The following ESPL1 variants were observed in gnomAD, a reference collection of about 807,000 sequenced individuals.
ESPL1 encodes the protein extra spindle pole bodies like 1, separase.
A neutral mutation model predicts 217.2 loss-of-function variants in ESPL1; 50 were observed. That is an observed-to-expected ratio of 0.23 (90% CI 0.18 to 0.29). The LOEUF (loss-of-function observed/expected upper bound fraction) is 0.29. ESPL1 is among the 10% of genes least tolerant of loss of function. ESPL1 has a pLI of 1.00. For missense variants in ESPL1, 1,834 were observed against 2,603.0 expected, an observed-to-expected ratio of 0.70 and a Z score of 6.43; for synonymous variants, 994 against 1,081.3, an observed-to-expected ratio of 0.92 and a Z score of 1.58.
rs760949893 is a variant in ESPL1 at position 53,292,323 on chromosome 12, A to C, written c.5842A>C (p.Thr1948Pro). The C allele has an allele frequency of 6.2e-7, 1 of 1,613,946 alleles. No individual in the cohort carries two copies. Among genetic ancestry groups the C allele is most frequent in the African/African-American group, 1.3e-5 (1 of 74,872 alleles). Residue 1948 changes from threonine (T) to proline (P), a missense_variant, in exon 28 of 31, where the codon ACC becomes CCC. Thr to Pro is a conservative substitution (Grantham distance 38). This residue lies in a region of ESPL1 where 295 missense variants were observed against 519.8 expected (regional missense o/e 0.57). Coordinates refer to ENST00000257934, the MANE Select transcript of ESPL1 (RefSeq NM_012291.5). The surrounding 1 kb of genome is among the most constrained non-coding windows in gnomAD (Gnocchi z 4.5). ...VLSQGVDPRSTFYVLNPHNNL... is the reference protein window; with the variant it reads ...VLSQGVDPRSPFYVLNPHNNL... ...GAGTCAAGGGGTGGATCCACGAAGT[A>C]CCTTCTATGTCCTGAACCCTCACAA... is the stretch of plus-strand genomic sequence containing the variant.
chr12:53,276,385 C>T (rs556982910), intron 7 of ESPL1, among the ~76,000 whole-genome samples: 7 of 152,256 alleles, frequency 4.6e-5, no homozygotes, highest in East Asian at 1.9e-4. Flanking sequence ...AAGTGGGAAG[C>T]GGCCAGATCA....
rs546107819 is a variant in ESPL1, at chr12:53,274,986, C to T, written c.1676C>T (p.Ala559Val). 5 of 1,554,310 alleles carry T rather than the reference C, an allele frequency of 3.2e-6. No homozygotes were observed. The Admixed American group carries it at 9.7e-5, about 30-fold the overall frequency. Reference sequence around the variant, plus strand: ...CGGGTCAAGATGGATGCGGCCAGGGCTGGAGACAAGGAGCTACAGCTAAAG... The same window carrying T: ...CGGGTCAAGATGGATGCGGCCAGGGTTGGAGACAAGGAGCTACAGCTAAAG... ...WVRVKMDAAR[A>V]GDKELQLKTL... The change falls in exon 7 of 31, where the codon GCT (alanine) becomes GTT (valine). Residue 559 changes from alanine (A) to valine (V), a missense_variant. Around this residue, in one of 5 missense-constraint regions of ESPL1, gnomAD observed 746 missense variants for 1,077.0 expected, o/e 0.69. Coordinates refer to ENST00000257934, the MANE Select transcript of ESPL1 (RefSeq NM_012291.5).
In ESPL1 at chr12:53,288,643, A is replaced by G. The variant is rs536941088; in HGVS notation, c.4652A>G (p.Glu1551Gly). The change falls in exon 20 of 31, where the codon GAG becomes GGG. Residue 1551 changes from glutamate to glycine, a missense_variant. Around this residue, in one of 5 missense-constraint regions of ESPL1, gnomAD observed 681 missense variants for 808.0 expected, o/e 0.84. Coordinates refer to ENST00000257934, the MANE Select transcript of ESPL1 (RefSeq NM_012291.5). ...CTGCCCAGCCCATGCCCAGACAAGG[A>G]GAGTGACAAGGACCTTGGTCCTCGG... is the stretch of plus-strand genomic sequence containing the variant. ...KKLPSPCPDK[E>G]SDKDLGPRLR... 4.5e-5 allele frequency: 73 copies of G among 1,613,972 alleles called. No individual in the cohort carries two copies. In the South Asian group the frequency reaches 7.6e-4, roughly 17 times the overall value.
intron 5 of ESPL1, among the ~76,000 whole-genome samples, chr12:53,271,151 G>T: frequency 1.4e-5 from 2 of 141,144 alleles, no homozygotes. Context: ...CATTACAAAT[G>T]ACCTTTCTGT....
chr12:53,285,756 C>G (rs932562496), intron 17 of ESPL1, among the ~76,000 whole-genome samples, 168 bp from the exon 18 acceptor site: 3 of 151,724 alleles, frequency 2.0e-5, no homozygotes, highest in Non-Finnish European at 2.9e-5. Flanking sequence ...AAATAATAAG[C>G]CATACTAATA....
chr12:53,277,280 C>T (rs1445692607), intron 9 of ESPL1, 53 bp downstream of exon 9: 3 of 1,565,726 alleles, frequency 1.9e-6, no homozygotes, highest in African/African-American at 1.4e-5. Flanking sequence ...AATTACTGTC[C>T]CTGGGCCCCC....
rs762631048 is a variant in ESPL1 at position 53,276,918 on chromosome 12, C to G, written c.1940+59C>G. On this transcript the variant is annotated intron_variant, in intron 8 of 30. Coordinates refer to ENST00000257934, the MANE Select transcript of ESPL1 (RefSeq NM_012291.5). ...TCCTTGCCCTAGGTCCTCTCACCCT[C>G]TTGAGAACCAGTTTCCCTCTCCACA... 2.5e-4 allele frequency: 390 copies of G among 1,585,774 alleles called. 1 individual carries two copies. Among genetic ancestry groups the G allele is most frequent in the Non-Finnish European group, 3.1e-4 (364 of 1,163,964 alleles).
Position 53,284,187 on chromosome 12 carries a change from T to C in ESPL1, c.3187+20T>C. On this transcript the variant is annotated intron_variant, in intron 17 of 30. Coordinates refer to ENST00000257934, the MANE Select transcript of ESPL1 (RefSeq NM_012291.5). ...GCACAGGTGAGCAGCCATGTCCCCA[T>C]GACCATAGGCGGTGCTGAAATGACA... 6.9e-7 allele frequency: 1 copy of C among 1,451,800 alleles called. No homozygotes were observed. Among genetic ancestry groups the C allele is most frequent in the Non-Finnish European group, 9.7e-7 (1 of 1,031,738 alleles). 89.9% of individuals were successfully genotyped at this position (1,451,800 alleles called of 1,614,324 possible). A position where few individuals can be genotyped will look rare whatever the true frequency, so the allele number is the denominator to read the frequency against.
Position 53,292,920 on chromosome 12 carries a change from T to C in ESPL1, c.6111T>C (p.Arg2037=), listed in dbSNP as rs746085022. The C allele has an allele frequency of 1.2e-5, 20 of 1,613,816 alleles. No homozygotes were observed. Among genetic ancestry groups the C allele is most frequent in the South Asian group, 2.2e-5 (2 of 91,088 alleles). The change falls in exon 30 of 31, where the codon CGT becomes CGC. Residue 2037 remains arginine, a synonymous_variant. Transcript: ENST00000257934. This position sits in a 1 kb window ranked among gnomAD's most constrained non-coding sequence, Gnocchi z 4.5. ...FGCSSAALAV[R]GNLEGAGIVL... ...GTAGCAGTGCGGCCCTGGCTGTGCG[T>C]GGAAACCTGGAGGGGGCTGGCATCG...
intron 6 of ESPL1, chr12:53,274,523 T>G: frequency 3.6e-6 from 1 of 274,482 alleles, no homozygotes; most frequent in Non-Finnish European, 7.0e-6. Flanking sequence ...TGGCCCCACA[T>G]TTCTTACTCA....
chr12:53,283,175 C>T lies in ESPL1; in HGVS notation c.2838C>T (p.Leu946=). 5.0e-6 allele frequency: 8 copies of T among 1,614,242 alleles called. No individual in the cohort carries two copies. The highest frequency in any genetic ancestry group is 6.8e-6 in the Non-Finnish European group (8 of 1,180,040). Residue 946 remains leucine, a synonymous_variant, in exon 15 of 31, where the codon CTC becomes CTT. Coordinates refer to ENST00000257934, the MANE Select transcript of ESPL1 (RefSeq NM_012291.5). ...CTCTCATAGACTCCCATAAGCTCCT[C>T]CGAAGCATCATCCTCCTGCTGATGG... ...EIALIDSHKL[L]RSIILLLMGS...
In ESPL1 at chr12:53,282,288, C is replaced by T; in HGVS notation, c.2644C>T (p.Leu882=). 1.2e-6 allele frequency: 2 copies of T among 1,614,096 alleles called. No homozygotes were observed. The highest frequency in any genetic ancestry group is 2.2e-5 in the South Asian group (2 of 91,084). ...QKVTKGVSLL[L]SVLRDPALQK... ...GGTGACCAAGGGTGTCTCTCTGCTG[C>T]TGTCTGTGCTTCGGGATCCTGCCCT... The change falls in exon 14 of 31, where the codon CTG becomes TTG. Residue 882 remains leucine (L), a synonymous_variant. Coordinates refer to ENST00000257934, the MANE Select transcript of ESPL1 (RefSeq NM_012291.5). This position sits in a 1 kb window ranked among gnomAD's most constrained non-coding sequence, Gnocchi z 4.0.
chr12:53,293,314 A>T lies in ESPL1; in HGVS notation c.6203A>T (p.Asp2068Val). 6.2e-7 allele frequency: 1 copy of T among 1,614,076 alleles called. No homozygotes were observed. The highest frequency in any genetic ancestry group is 8.5e-7 in the Non-Finnish European group (1 of 1,180,022). The change falls in exon 31 of 31, where the codon GAC (aspartate) becomes GTC (valine). Residue 2068 changes from aspartate to valine, a missense_variant. Physicochemically the swap from Asp to Val is radical, Grantham distance 152 (BLOSUM62 -3). Around this residue, in one of 5 missense-constraint regions of ESPL1, gnomAD observed 295 missense variants for 519.8 expected, o/e 0.57. Transcript: ENST00000257934. This position sits in a 1 kb window ranked among gnomAD's most constrained non-coding sequence, Gnocchi z 4.2. ...LGNLWDVTDR[D>V]IDRYTEALLQ... ...AATCTCTGGGATGTGACTGACCGCG[A>T]CATTGACCGCTACACGGAAGCTCTG... is the stretch of plus-strand genomic sequence containing the variant.
intron 6 of ESPL1, among the ~76,000 whole-genome samples, chr12:53,273,797 T>TGAGCAA (rs1382744906): frequency 6.6e-6 from 1 of 151,084 alleles, no homozygotes; most frequent in Non-Finnish European, 1.5e-5. Context: ...GGTGGTCCTT[T>TGAGCAA]GAGCAAGGAG....
At position 53,288,830 on chromosome 12, in the gene ESPL1, ACT is replaced by A. The variant is rs1491444138; in HGVS notation, c.4708+134_4708+135del. ...TCTGAACCTGTGTTTGAACCCCAGCACTCTGTCTATGAGCTGTGTGCAGGTCA... is the reference window on the plus strand; with the variant it reads ...TCTGAACCTGTGTTTGAACCCCAGCACTGTCTATGAGCTGTGTGCAGGTCA... On this transcript the variant is annotated intron_variant, in intron 20 of 30. Coordinates refer to ENST00000257934, the MANE Select transcript of ESPL1 (RefSeq NM_012291.5). The A allele has an allele frequency of 1.9e-5, 13 of 696,856 alleles. No homozygotes were observed. In the African/African-American group the frequency reaches 2.6e-4, roughly 14 times the overall value. 43.2% of individuals were successfully genotyped at this position (696,856 alleles called of 1,614,324 possible).
In ESPL1 at chr12:53,269,571, A is replaced by G. The variant is rs763552447; in HGVS notation, c.629A>G (p.His210Arg). 3 of 1,614,214 alleles carry G rather than the reference A, an allele frequency of 1.9e-6. No homozygotes were observed. Among genetic ancestry groups the G allele is most frequent in the Admixed American group, 1.7e-5 (1 of 60,024 alleles). Residue 210 changes from histidine to arginine, a missense_variant, in exon 3 of 31, where the codon CAT becomes CGT. This residue lies in a region of ESPL1 where 746 missense variants were observed against 1,077.0 expected (regional missense o/e 0.69). Transcript: ENST00000257934. This position sits in a 1 kb window ranked among gnomAD's most constrained non-coding sequence, Gnocchi z 6.7. ...AAHQLFDASGHGLNEADADFL... is the reference protein window; with the variant it reads ...AAHQLFDASGRGLNEADADFL... ...CATCAGCTATTTGATGCCAGTGGCCATGGTCTAAATGAAGCAGATGCTGAT... is the reference window on the plus strand; with the variant it reads ...CATCAGCTATTTGATGCCAGTGGCCGTGGTCTAAATGAAGCAGATGCTGAT...
Position 53,290,902 on chromosome 12 carries a change from C to G in ESPL1, c.5426C>G (p.Ser1809Cys). The G allele has an allele frequency of 6.2e-7, 1 of 1,608,002 alleles. No individual in the cohort carries two copies. Among genetic ancestry groups the G allele is most frequent in the East Asian group, 2.2e-5 (1 of 44,752 alleles). The change falls in exon 25 of 31, where the codon TCC (serine) becomes TGC (cysteine). Residue 1809 changes from serine (S) to cysteine (C), a missense_variant. Ser to Cys is a moderately radical substitution (Grantham distance 112). Transcript: ENST00000257934. The part of the protein sequence containing the change: ...LGCWKGLLLP[S>C]SEEPGPAQEA... ...TGCTGGAAGGGGCTGCTGCTGCCGT[C>G]CAGTGAGGAGCCCGGCCCTGCCCAG...
In ESPL1 at chr12:53,286,787, G is replaced by T; in HGVS notation, c.4051G>T (p.Asp1351Tyr). The T allele has an allele frequency of 6.2e-7, 1 of 1,614,146 alleles. No homozygotes were observed. The highest frequency in any genetic ancestry group is 8.5e-7 in the Non-Finnish European group (1 of 1,180,046). The change falls in exon 18 of 31, where the codon GAC becomes TAC. Residue 1351 changes from aspartate to tyrosine, a missense_variant. Transcript: ENST00000257934. The surrounding 1 kb of genome is among the most constrained non-coding windows in gnomAD (Gnocchi z 5.3). ...ACTGCCCTGCACACCTAAACCCCCA[G>T]ACCGGATCAGGCAAGCTGGCCCTCA... ...RGLPCTPKPPDRIRQAGPHVP... is the reference protein window; with the variant it reads ...RGLPCTPKPPYRIRQAGPHVP...
At chr12:53,274,756 C>T in intron 6 of ESPL1, 61 bp from the exon 7 acceptor site, 1 of 1,415,490 alleles carries the variant, frequency 7.1e-7, no homozygotes, top group South Asian at 1.2e-5. Flanking sequence ...TGCATATCCC[C>T]TTCCACCATA....
Sources: allele counts gnomAD v4.1 joint callset (sites outside exome capture counted in the v4.1 genomes callset), GRCh38; gene constraint gnomAD v4.1.1; regional missense constraint gnomAD v4.1.1; non-coding constraint Gnocchi (gnomAD v3.1); transcripts MANE v1.5; gene names NCBI Gene and HGNC (gene_info 2026-07-23, HGNC 2026-07-21).